GATAD1: variants seen among roughly 807,000 people sequenced by gnomAD.
GATAD1 encodes the protein GATA zinc finger domain containing 1, also known as GATA zinc finger domain-containing protein 1.
In GATAD1, 12 loss-of-function variants were observed where a neutral mutation model predicts 26.5. That is an observed-to-expected ratio of 0.45 (90% CI 0.29 to 0.73). The LOEUF is 0.73. GATAD1 is among the 30% of genes least tolerant of loss of function. The pLI, the probability that GATAD1 is intolerant of heterozygous loss-of-function variation, is 0.10. For missense variants in GATAD1, 266 were observed against 342.1 expected, an observed-to-expected ratio of 0.78 and a Z score of 1.75; for synonymous variants, 129 against 133.1, an observed-to-expected ratio of 0.97 and a Z score of 0.21.
At chr7:92,495,233 A>G in the GATAD1 span, among the ~76,000 whole-genome samples, 2 of 152,186 alleles carry the variant, frequency 1.3e-5, no homozygotes, top group East Asian at 1.9e-4. Flanking sequence ...TTAATTCAAA[A>G]TAAGTGAATA....
At chr7:92,478,189 C>CT in the GATAD1 span, among the ~76,000 whole-genome samples, 1 of 152,186 alleles carries the variant, frequency 6.6e-6, no homozygotes, top group Non-Finnish European at 1.5e-5. Flanking sequence ...AGTCCTGTCT[C>CT]TCAGTTGCAA....
downstream of GATAD1, chr7:92,461,517 A>G (rs1789921769): frequency 6.6e-6 from 1 of 152,244 alleles, no homozygotes; most frequent in Admixed American, 6.5e-5. Context: ...AGAGAAGGCA[A>G]GGAACTACTG....
At chr7:92,487,965 C>T in the GATAD1 span, among the ~76,000 whole-genome samples, 1 of 152,246 alleles carries the variant, frequency 6.6e-6, no homozygotes, top group East Asian at 1.9e-4. Flanking sequence ...AATGTGAGCT[C>T]CCTGTTATAC....
At chr7:92,467,220 G>A in the GATAD1 span, among the ~76,000 whole-genome samples, 1 of 152,098 alleles carries the variant, frequency 6.6e-6, no homozygotes, top group African/African-American at 2.4e-5. Context: ...CAGGGAGGTT[G>A]AGGCAGGAGA....
the GATAD1 span, chr7:92,489,639 A>G: frequency 8.0e-6 from 11 of 1,370,164 alleles, no homozygotes; most frequent in African/African-American, 5.7e-5. Context: ...TTATAAGTCA[A>G]AGAAATATAT....
chr7:92,468,433 A>T, the GATAD1 span: 5 of 198,596 alleles, frequency 2.5e-5, no homozygotes, highest in East Asian at 1.4e-4. Context: ...GCTCCCATAC[A>T]AAGGGAGGGG....
chr7:92,493,372 C>T, the GATAD1 span: 8 of 240,020 alleles, frequency 3.3e-5, no homozygotes, highest in African/African-American at 1.2e-4. Flanking sequence ...TGGTGGCTCA[C>T]GCCTGTAATC....
At chr7:92,478,350 A>G in the GATAD1 span, among the ~76,000 whole-genome samples, 2 of 152,188 alleles carry the variant, frequency 1.3e-5, no homozygotes, top group Admixed American at 6.5e-5. Context: ...CACTCTCCAG[A>G]GAGTATAGGA....
At chr7:92,476,181 C>A in the GATAD1 span, among the ~76,000 whole-genome samples, 1 of 152,212 alleles carries the variant, frequency 6.6e-6, no homozygotes, top group Admixed American at 6.5e-5. Flanking sequence ...GTTGGAGTTA[C>A]ATTACCTTTT....
chr7:92,491,468 A>AAG, the GATAD1 span: 1 of 1,613,050 alleles, frequency 6.2e-7, no homozygotes, highest in Non-Finnish European at 8.5e-7. Flanking sequence ...CATTGAAGAC[A>AAG]GACTTAGGTC....
chr7:92,449,151 G>C (rs923323120), intron 2 of GATAD1: 1 of 1,112,556 alleles, frequency 9.0e-7, no homozygotes, highest in Non-Finnish European at 1.1e-6. Flanking sequence ...TCAACCTTGA[G>C]CCCATTTTTT....
rs1789228653 is a variant in GATAD1 at position 92,447,939 on chromosome 7, CACCCCTCCGCA to C, written c.211_221del (p.Thr71GlufsTer11). 8.1e-7 allele frequency: 1 copy of C among 1,238,768 alleles called. No homozygotes were observed. The highest frequency in any genetic ancestry group is 1.6e-5 in the African/African-American group (1 of 63,848). 76.7% of individuals were successfully genotyped at this position (1,238,768 alleles called of 1,614,324 possible). On this transcript the variant is annotated frameshift_variant, in exon 1 of 5. Coordinates refer to ENST00000287957, the MANE Select transcript of GATAD1 (RefSeq NM_021167.5). LOFTEE classifies it high-confidence loss of function. Reference sequence around the variant, plus strand: ...CGGCGACCTTCGCCAGCACCTCCGCCACCCCTCCGCAGAGCAACGGGGGCGGGGGCGGCAAG... The same window carrying C: ...CGGCGACCTTCGCCAGCACCTCCGCCGAGCAACGGGGGCGGGGGCGGCAAG...
At chr7:92,472,858 G>A in the GATAD1 span, 1 of 152,198 alleles carries the variant, frequency 6.6e-6, no homozygotes, top group Non-Finnish European at 1.5e-5. Context: ...TGGAAACCAT[G>A]TAGCCACAGG....
the GATAD1 span, chr7:92,469,390 C>G: frequency 5.2e-6 from 4 of 771,024 alleles, no homozygotes; most frequent in Admixed American, 1.7e-5. Context: ...ACCTAGTGCA[C>G]CTAGCACTCC....
downstream of GATAD1, among the ~76,000 whole-genome samples, chr7:92,462,776 C>T (rs1789967631): frequency 1.3e-5 from 2 of 152,182 alleles, no homozygotes; most frequent in African/African-American, 2.4e-5. Flanking sequence ...GAGAACAGAC[C>T]AAAGCCTTCC....
the GATAD1 span, chr7:92,477,949 T>G: frequency 6.6e-6 from 1 of 152,512 alleles, no homozygotes; most frequent in Non-Finnish European, 1.5e-5. Flanking sequence ...GGGCTGCTGT[T>G]GCCAGCTCGA....
In GATAD1 at chr7:92,447,727, A is replaced by G. The variant is rs776854919; in HGVS notation, c.-3A>G. 6.5e-5 allele frequency: 96 copies of G among 1,466,612 alleles called. No homozygotes were observed. Among genetic ancestry groups the G allele is most frequent in the Non-Finnish European group, 6.9e-5 (76 of 1,108,406 alleles). The allele number at this position is 1,466,612 out of a possible 1,614,324, so 90.8% of individuals were successfully genotyped here. ...CCCGCGGGGGCCGCCCGAGCCGGCC[A>G]CCATGCCGCTGGGCCTGAAGCCCAC... On this transcript the variant is annotated 5_prime_UTR_variant, in exon 1 of 5. Coordinates refer to ENST00000287957, the MANE Select transcript of GATAD1 (RefSeq NM_021167.5).
the GATAD1 span, chr7:92,472,865 C>T: frequency 8.5e-5 from 13 of 152,286 alleles, no homozygotes; most frequent in South Asian, 2.7e-3. Flanking sequence ...CATGTAGCCA[C>T]AGGTAGCGAG....
At chr7:92,481,462 C>T in the GATAD1 span, among the ~76,000 whole-genome samples, 1 of 152,138 alleles carries the variant, frequency 6.6e-6, no homozygotes, top group African/African-American at 2.4e-5. Flanking sequence ...TTTTGAGGGC[C>T]TCTAAAAGTA....
Sources: gnomAD v4.1 joint callset for allele counts (sites outside exome capture counted in the v4.1 genomes callset) on GRCh38, gnomAD v4.1.1 for gene constraint, MANE v1.5 for transcripts, NCBI Gene and HGNC (gene_info 2026-07-23, HGNC 2026-07-21) for gene names.